The following UPP2 variants were observed in gnomAD, a reference collection of about 807,000 sequenced individuals.
UPP2 encodes the protein uridine phosphorylase 2, also known as UPase 2.
In UPP2, 23 loss-of-function variants were observed where a neutral mutation model predicts 26.7. That is an observed-to-expected ratio of 0.86 (90% CI 0.62 to 1.22). The LOEUF (loss-of-function observed/expected upper bound fraction) is 1.22, where lower values mean the gene tolerates loss of function less well. UPP2 is among the 50% of genes most tolerant of loss of function. The pLI is 0.00. For synonymous variants in UPP2, 127 were observed against 141.3 expected (o/e 0.90, Z 0.72); for missense variants, 387 against 396.7 (o/e 0.98, Z 0.21).
At chr2:158,068,802 ATTTTTTTTTTTTTTT>A (rs70990633) in intron 3 of UPP2, among the ~76,000 whole-genome samples, 1 of 18,898 alleles carries the variant, frequency 5.3e-5, no homozygotes, top group African/African-American at 2.3e-4. Context: ...ATATATATAT[ATTTTTTTTTTTTTTT>A]TTTTTTTTTT....
intron 6 of UPP2, among the ~76,000 whole-genome samples, chr2:158,128,247 T>C (rs1272515414): frequency 1.3e-5 from 2 of 152,202 alleles, no homozygotes; most frequent in African/African-American, 4.8e-5. Context: ...TAGGGAAATA[T>C]TTAGTCTTTA....
intron 3 of UPP2, among the ~76,000 whole-genome samples, chr2:158,042,073 G>T (rs982382021): frequency 8.5e-5 from 13 of 152,128 alleles, no homozygotes; most frequent in Non-Finnish European, 1.9e-4. Flanking sequence ...AAGTAATGCT[G>T]CCTCACTTCA....
Position 158,121,596 on chromosome 2 carries a change from G to A in UPP2, c.642G>A (p.Met214Ile), listed in dbSNP as rs1471337989. 2 of 1,613,156 alleles carry A rather than the reference G, an allele frequency of 1.2e-6. No homozygotes were observed. The highest frequency in any genetic ancestry group is 1.1e-5 in the South Asian group (1 of 91,072). Reference protein sequence around the residue: ...PNFPTLVGHTMCTYDFYEGQG... With the variant: ...PNFPTLVGHTICTYDFYEGQG... ...TCCCAACCCTCGTTGGACATACAAT[G>A]TGTACCTATGATTTTTATGAAGGTG... Residue 214 changes from methionine (M) to isoleucine (I), a missense_variant, in exon 5 of 7, where the codon ATG (methionine) becomes ATA (isoleucine). Physicochemically the swap from Met to Ile is conservative, Grantham distance 10. Transcript: ENST00000005756.
intron 3 of UPP2, among the ~76,000 whole-genome samples, chr2:158,048,009 G>A (rs1574262464): frequency 6.6e-6 from 1 of 152,130 alleles, no homozygotes. Flanking sequence ...GTTCAGTGAG[G>A]GTTAATGAAG....
chr2:158,075,302 T>C (rs1682613294), intron 3 of UPP2, among the ~76,000 whole-genome samples: 1 of 152,036 alleles, frequency 6.6e-6, no homozygotes, highest in Non-Finnish European at 1.5e-5. Context: ...TAGGGAATAG[T>C]ATAAATGTAA....
At chr2:158,095,925 C>T (rs1007106942) in intron 3 of UPP2, among the ~76,000 whole-genome samples, 5 of 152,072 alleles carry the variant, frequency 3.3e-5, no homozygotes, top group Admixed American at 6.6e-5. Flanking sequence ...AATGAAATAG[C>T]TTTTCTTGAA....
intron 3 of UPP2, among the ~76,000 whole-genome samples, chr2:158,067,319 C>T (rs1238741327): frequency 2.7e-5 from 4 of 148,950 alleles, no homozygotes; most frequent in Non-Finnish European, 4.4e-5. Context: ...CTTGTAAAAA[C>T]TTAGTGTGAG....
intron 3 of UPP2, among the ~76,000 whole-genome samples, chr2:158,077,453 C>A (rs531217497): frequency 1.3e-5 from 2 of 152,022 alleles, no homozygotes; most frequent in African/African-American, 2.4e-5. Context: ...ACACATAGAC[C>A]AATGGAACAG....
chr2:158,101,748 A>T (rs1683079182), upstream of UPP2: 8 of 790,510 alleles, frequency 1.0e-5, no homozygotes, highest in South Asian at 3.9e-4. Context: ...ATAGTTAACA[A>T]GCTAACCAAC....
chr2:158,093,538 C>A (rs13400332), intron 3 of UPP2, among the ~76,000 whole-genome samples: 3,969 of 151,884 alleles, frequency 0.026, 179 homozygotes, highest in African/African-American at 0.088. Context: ...ATTAGTAAGA[C>A]AAAAATAAAA....
intron 3 of UPP2, among the ~76,000 whole-genome samples, chr2:158,027,550 T>A (rs1683852975): frequency 1.3e-5 from 2 of 152,024 alleles, no homozygotes. Flanking sequence ...TGGCATTGAG[T>A]GTCTGTGGCT....
At chr2:158,024,354 A>G (rs980817997) in intron 3 of UPP2, among the ~76,000 whole-genome samples, 23 of 152,196 alleles carry the variant, frequency 1.5e-4, no homozygotes, top group African/African-American at 5.5e-4. Context: ...GGATATCACT[A>G]CAAGTTGACC....
chr2:158,027,295 C>A (rs1341074020), intron 3 of UPP2, among the ~76,000 whole-genome samples: 1 of 152,140 alleles, frequency 6.6e-6, no homozygotes, highest in Non-Finnish European at 1.5e-5. Flanking sequence ...AATGGGGGTA[C>A]AGGTATTGGG....
At chr2:158,069,437 C>T (rs564104515) in intron 3 of UPP2, among the ~76,000 whole-genome samples, 61 of 152,316 alleles carry the variant, frequency 4.0e-4, no homozygotes, top group Admixed American at 1.2e-3. Context: ...TGGGCAGCTT[C>T]TCCAGTGTCG....
At position 158,123,732 on chromosome 2, in the gene UPP2, T is replaced by C. The variant is rs748587849; in HGVS notation, c.665-17T>C. 2 of 1,610,832 alleles carry C rather than the reference T, an allele frequency of 1.2e-6. No homozygotes were observed. Among genetic ancestry groups the C allele is most frequent in the East Asian group, 4.5e-5 (2 of 44,826 alleles). On this transcript the variant is annotated splice_polypyrimidine_tract_variant and intron_variant, in intron 5 of 6. Coordinates refer to ENST00000005756, the MANE Select transcript of UPP2 (RefSeq NM_173355.4). ...GGTGGGACATCAAGTCACTAAACGT[T>C]CTCCCCTCCCTTTCAGGCCAAGGCC... is the stretch of plus-strand genomic sequence containing the variant.
At chr2:158,036,799 A>G (rs902127844) in intron 3 of UPP2, among the ~76,000 whole-genome samples, 3 of 152,194 alleles carry the variant, frequency 2.0e-5, no homozygotes, top group African/African-American at 7.2e-5. Flanking sequence ...AAATCAAAGA[A>G]TGGTGAACAG....
intron 3 of UPP2, among the ~76,000 whole-genome samples, chr2:158,024,691 A>T (rs891647927): frequency 6.6e-6 from 1 of 152,208 alleles, no homozygotes; most frequent in African/African-American, 2.4e-5. Flanking sequence ...GGAGGAATTT[A>T]GTGAGGTTTC....
intron 3 of UPP2, among the ~76,000 whole-genome samples, chr2:158,080,098 C>G (rs189481834): frequency 5.1e-4 from 77 of 152,148 alleles, no homozygotes; most frequent in African/African-American, 1.8e-3. Context: ...GTTCCATGAG[C>G]CACACACCAT....
intron 2 of UPP2, among the ~76,000 whole-genome samples, chr2:158,005,620 G>A (rs1161364067): frequency 2.0e-5 from 3 of 152,168 alleles, no homozygotes; most frequent in East Asian, 1.9e-4. Flanking sequence ...GGGAAGGAAC[G>A]GGGAAGTTTT....
Sources: allele counts gnomAD v4.1 joint callset (sites outside exome capture counted in the v4.1 genomes callset), GRCh38; gene constraint gnomAD v4.1.1; transcripts MANE v1.5; gene names NCBI Gene and HGNC (gene_info 2026-07-23, HGNC 2026-07-21).